ERICH5: variants seen among roughly 807,000 people sequenced by gnomAD.
The protein encoded by ERICH5 is glutamate-rich protein 5.
Under a neutral mutation model 28.0 loss-of-function variants are expected in ERICH5, and 24 were observed. The observed-to-expected ratio is 0.86, with a 90% confidence interval of 0.62 to 1.21. The LOEUF is 1.21. ERICH5 is among the 50% of genes most tolerant of loss of function. The probability of loss-of-function intolerance (pLI) is 0.00; values close to 1 mark genes in which losing one functional copy is unlikely to be tolerated. For missense variants in ERICH5, 421 were observed against 441.2 expected (o/e 0.95, Z 0.41); for synonymous variants, 163 against 157.6 (o/e 1.03, Z -0.25).
intron 1 of ERICH5, among the ~76,000 whole-genome samples, chr8:98,076,296 C>A (rs920588302): frequency 2.0e-5 from 3 of 151,936 alleles, no homozygotes; most frequent in African/African-American, 7.3e-5. Flanking sequence ...TCAAGTGATT[C>A]GCCCACCTTG....
At chr8:98,067,159 G>T (rs1814833038) in intron 1 of ERICH5, among the ~76,000 whole-genome samples, 1 of 152,180 alleles carries the variant, frequency 6.6e-6, no homozygotes, top group Admixed American at 6.5e-5. Flanking sequence ...GCTTTGTTGG[G>T]CACAGTGGCT....
At chr8:98,077,308 A>G (rs916695168) in intron 1 of ERICH5, among the ~76,000 whole-genome samples, 6 of 152,188 alleles carry the variant, frequency 3.9e-5, no homozygotes, top group Admixed American at 3.9e-4. Flanking sequence ...ATATATACAG[A>G]GACAGACATC....
At chr8:98,083,608 A>G (rs965675851) in intron 1 of ERICH5, among the ~76,000 whole-genome samples, 1 of 151,608 alleles carries the variant, frequency 6.6e-6, no homozygotes, top group Non-Finnish European at 1.5e-5. Flanking sequence ...ACACACATGC[A>G]CACACACACA....
chr8:98,077,005 G>T (rs966171904), intron 1 of ERICH5, among the ~76,000 whole-genome samples: 1 of 152,002 alleles, frequency 6.6e-6, no homozygotes, highest in African/African-American at 2.4e-5. Context: ...GCTCATGCCT[G>T]TAATCCCAGC....
intron 1 of ERICH5, among the ~76,000 whole-genome samples, chr8:98,086,927 G>A (rs1815292542): frequency 6.7e-6 from 1 of 149,694 alleles, no homozygotes; most frequent in African/African-American, 2.5e-5. Context: ...CTCCAACCTG[G>A]GCAACAGAGC....
At chr8:98,084,593 C>T (rs1052207166) in intron 1 of ERICH5, among the ~76,000 whole-genome samples, 2 of 152,064 alleles carry the variant, frequency 1.3e-5, no homozygotes, top group African/African-American at 4.8e-5. Flanking sequence ...GTTGGCCAGG[C>T]TGGTCTCGAA....
At chr8:98,075,854 A>C (rs955715681) in intron 1 of ERICH5, among the ~76,000 whole-genome samples, 4 of 126,738 alleles carry the variant, frequency 3.2e-5, no homozygotes, top group Non-Finnish European at 4.7e-5. Context: ...GGCTCAAGTT[A>C]TTCACCCATC....
chr8:98,077,641 G>A (rs113145580), intron 1 of ERICH5, among the ~76,000 whole-genome samples: 161 of 152,300 alleles, frequency 1.1e-3, no homozygotes, highest in African/African-American at 3.5e-3. Context: ...CTCTCCCCTA[G>A]GCAGGCGTCC....
At chr8:98,077,882 T>C (rs1815088048) in intron 1 of ERICH5, among the ~76,000 whole-genome samples, 1 of 152,206 alleles carries the variant, frequency 6.6e-6, no homozygotes, top group African/African-American at 2.4e-5. Context: ...TTCTTGTTTC[T>C]CTATATTTAA....
intron 1 of ERICH5, among the ~76,000 whole-genome samples, chr8:98,073,262 A>G (rs1457557074): frequency 6.6e-6 from 1 of 150,706 alleles, no homozygotes; most frequent in Non-Finnish European, 1.5e-5. Context: ...TAAATAAGTT[A>G]ATACATATAA....
intron 1 of ERICH5, among the ~76,000 whole-genome samples, chr8:98,074,378 C>A (rs1011565328): frequency 6.6e-5 from 10 of 150,554 alleles, no homozygotes; most frequent in Non-Finnish European, 1.2e-4. Flanking sequence ...AGATTACTTG[C>A]TCTTATATTT....
At chr8:98,066,687 G>A (rs7006113) in intron 1 of ERICH5, among the ~76,000 whole-genome samples, 52,589 of 151,976 alleles carry the variant, frequency 0.35, 9,896 homozygotes, top group African/African-American at 0.44. Context: ...AATATGCGGC[G>A]TAAATTGCTC....
intron 2 of ERICH5, among the ~76,000 whole-genome samples, chr8:98,091,889 T>C (rs1236114681): frequency 2.3e-5 from 2 of 86,236 alleles, no homozygotes; most frequent in African/African-American, 9.5e-5. Context: ...TCTTTCTTTC[T>C]TTCTTTCTTT....
At chr8:98,077,675 T>C (rs954332143) in intron 1 of ERICH5, among the ~76,000 whole-genome samples, 13 of 152,182 alleles carry the variant, frequency 8.5e-5, no homozygotes, top group Admixed American at 6.5e-4. Flanking sequence ...AGTTCAACAA[T>C]TGTTCCAAGA....
intron 2 of ERICH5, among the ~76,000 whole-genome samples, chr8:98,091,900 C>CTTTCTTTCTTCCTTTCTTTCTTTCTTT: frequency 1.3e-5 from 1 of 74,708 alleles, no homozygotes; most frequent in East Asian, 3.3e-4. Flanking sequence ...TTCTTTCTTT[C>CTTTCTTTCTTCCTTTCTTTCTTTCTTT]CTTTCTTTCT....
At chr8:98,085,024 C>T (rs1301284869) in intron 1 of ERICH5, among the ~76,000 whole-genome samples, 2 of 150,234 alleles carry the variant, frequency 1.3e-5, no homozygotes, top group Non-Finnish European at 2.9e-5. Flanking sequence ...ATCTTTTTGT[C>T]TTCTTTTACT....
intron 2 of ERICH5, among the ~76,000 whole-genome samples, chr8:98,090,775 A>G (rs1051916096): frequency 3.3e-5 from 5 of 152,134 alleles, no homozygotes; most frequent in African/African-American, 1.2e-4. Context: ...TGATGTTTAC[A>G]GTGTTCTTTA....
In ERICH5 at chr8:98,089,285, C is replaced by T. The variant is rs1470763328; in HGVS notation, c.268C>T (p.Pro90Ser). 8 of 1,614,156 alleles carry T rather than the reference C, an allele frequency of 5.0e-6. No individual in the cohort carries two copies. Among genetic ancestry groups the T allele is most frequent in the Non-Finnish European group, 6.8e-6 (8 of 1,180,022 alleles). ...QEQPLAKDVAPGRDATDQSGS... is the reference protein window; with the variant it reads ...QEQPLAKDVASGRDATDQSGS... ...ACAGCCCCTGGCCAAGGACGTAGCC[C>T]CTGGAAGGGATGCCACAGACCAATC... Residue 90 changes from proline to serine, a missense_variant, in exon 2 of 3, where the codon CCT becomes TCT. Coordinates refer to ENST00000318528, the MANE Select transcript of ERICH5 (RefSeq NM_173549.3).
intron 1 of ERICH5, among the ~76,000 whole-genome samples, chr8:98,079,243 T>C (rs540571553): frequency 3.5e-5 from 5 of 143,376 alleles, no homozygotes; most frequent in African/African-American, 1.3e-4. Flanking sequence ...CAATCATGGC[T>C]CACTGCATCC....
Sources: allele counts gnomAD v4.1 joint callset (sites outside exome capture counted in the v4.1 genomes callset), GRCh38; gene constraint gnomAD v4.1.1; transcripts MANE v1.5; gene names NCBI Gene and HGNC (gene_info 2026-07-23, HGNC 2026-07-21).